Variants in WDR43 observed in about 807,000 individuals in gnomAD.
WDR43 encodes WD repeat-containing protein 43.
In WDR43, 13 loss-of-function variants were observed where a neutral mutation model predicts 91.4. That is an observed-to-expected ratio of 0.14 (90% CI 0.09 to 0.23). The LOEUF (loss-of-function observed/expected upper bound fraction) is 0.23. WDR43 is among the 10% of genes least tolerant of loss of function. The pLI, the probability that WDR43 is intolerant of heterozygous loss-of-function variation, is 1.00. For missense variants in WDR43, 780 were observed against 809.4 expected, an observed-to-expected ratio of 0.96 and a Z score of 0.44; for synonymous variants, 331 against 287.9, an observed-to-expected ratio of 1.15 and a Z score of -1.51.
intron 16 of WDR43, 128 bp from the exon 17 acceptor site, chr2:28,946,322 A>T: frequency 2.2e-6 from 2 of 926,038 alleles, no homozygotes; most frequent in Non-Finnish European, 3.0e-6. Context: ...GTTATTTCTT[A>T]GTTGGATGAT....
intron 10 of WDR43, among the ~76,000 whole-genome samples, chr2:28,928,386 CAT>C (rs1671182517): frequency 6.6e-6 from 1 of 152,064 alleles, no homozygotes; most frequent in Non-Finnish European, 1.5e-5. Flanking sequence ...GTGGGGATAA[CAT>C]AGCTTCATAA....
intron 5 of WDR43, among the ~76,000 whole-genome samples, chr2:28,914,549 C>T (rs1670871030): frequency 6.6e-6 from 1 of 152,166 alleles, no homozygotes; most frequent in Non-Finnish European, 1.5e-5. Context: ...TTATGGAGGG[C>T]ATAAAATTGC....
Position 28,908,779 on chromosome 2 carries a change from T to C in WDR43, c.485+2198T>C, listed in dbSNP as rs1173708469. Among the ~76,000 whole-genome samples, 5 of 152,250 alleles carry C rather than the reference T, an allele frequency of 3.3e-5. No homozygotes were observed. In the East Asian group the frequency reaches 9.6e-4, roughly 29 times the overall value. The stretch of plus-strand genomic sequence containing the variant: ...TTCCAGACGCTATGTATTGATTTTC[T>C]GTTGTGGAAGATGAGGATTTAGCTC... On this transcript the variant is annotated intron_variant, in intron 3 of 17. Transcript: ENST00000407426.
At chr2:28,907,348 T>TG (rs1040026706) in intron 3 of WDR43, among the ~76,000 whole-genome samples, 2 of 150,596 alleles carry the variant, frequency 1.3e-5, no homozygotes, top group African/African-American at 4.9e-5. Context: ...ATTGGCCAAG[T>TG]GCAGTGGCTC....
intron 5 of WDR43, 135 bp downstream of exon 5, chr2:28,914,343 T>C: frequency 9.5e-6 from 11 of 1,156,848 alleles, no homozygotes; most frequent in Non-Finnish European, 1.3e-5. Flanking sequence ...TAATAAAAAA[T>C]TGAGCCTGCC....
intron 6 of WDR43, among the ~76,000 whole-genome samples, chr2:28,921,375 C>G (rs903504443): frequency 1.3e-5 from 2 of 152,114 alleles, no homozygotes; most frequent in Non-Finnish European, 2.9e-5. Context: ...ATCGGCCTGC[C>G]TCGGCCTCCC....
chr2:28,901,055 A>G (rs1670570413), intron 1 of WDR43, among the ~76,000 whole-genome samples: 1 of 152,218 alleles, frequency 6.6e-6, no homozygotes, highest in Non-Finnish European at 1.5e-5. Context: ...GTGCATGCCC[A>G]TGCGTGCTGT....
chr2:28,926,436 C>A, intron 8 of WDR43, 32 bp from the exon 9 acceptor site: 1 of 1,446,958 alleles, frequency 6.9e-7, no homozygotes, highest in Non-Finnish European at 9.3e-7. Context: ...TCTTTCCTCT[C>A]ATCTTCCCCT....
At chr2:28,912,235 T>C (rs1005956890) in intron 3 of WDR43, among the ~76,000 whole-genome samples, 3 of 152,172 alleles carry the variant, frequency 2.0e-5, no homozygotes, top group African/African-American at 7.2e-5. Flanking sequence ...GTCTAGCCAG[T>C]ATGGAACTTT....
In WDR43 at chr2:28,900,912, C is replaced by CT. The variant is rs964422140; in HGVS notation, c.226-1074dup. Among the ~76,000 whole-genome samples the CT allele has an allele frequency of 3.3e-5, 5 of 152,166 alleles. No homozygotes were observed. The East Asian group carries it at 9.6e-4, about 29-fold the overall frequency. ...CAAATTCTTTAAATGTAAAATCCCC[C>CT]TAGGATAACTAAAAGAAAAAAATGG... On this transcript the variant is annotated intron_variant, in intron 1 of 17. Coordinates refer to ENST00000407426, the MANE Select transcript of WDR43 (RefSeq NM_015131.3).
In WDR43 at chr2:28,946,974, A is replaced by G. The variant is rs1176220995; in HGVS notation, c.*195A>G. 6.9e-6 allele frequency: 4 copies of G among 576,756 alleles called. No homozygotes were observed. The highest frequency in any genetic ancestry group is 1.9e-5 in the African/African-American group (1 of 53,468). 35.7% of individuals were successfully genotyped at this position (576,756 alleles called of 1,614,324 possible). A position where few individuals can be genotyped will look rare whatever the true frequency, so the allele number is the denominator to read the frequency against. ...AAGAGTGTTTCATTCAAATGTTAAT[A>G]AACTTTACACAGTATATAGACACAT... is the stretch of plus-strand genomic sequence containing the variant. On this transcript the variant is annotated 3_prime_UTR_variant, in exon 18 of 18. Coordinates refer to ENST00000407426, the MANE Select transcript of WDR43 (RefSeq NM_015131.3).
chr2:28,944,799 G>A (rs1178947451), intron 16 of WDR43, among the ~76,000 whole-genome samples: 2 of 152,260 alleles, frequency 1.3e-5, no homozygotes, highest in Non-Finnish European at 1.5e-5. Context: ...GCTACTAAAC[G>A]ACTAACGGGT....
chr2:28,930,595 C>T lies in WDR43; in HGVS notation c.1437+885C>T, dbSNP rs535787593. On this transcript the variant is annotated intron_variant, in intron 11 of 17. Transcript: ENST00000407426. Reference sequence around the variant, plus strand: ...GGAGGTAGATTTTAGTTTACCATGGCATAGAAACCTGGGTGAAGATTTGGT... The same window carrying T: ...GGAGGTAGATTTTAGTTTACCATGGTATAGAAACCTGGGTGAAGATTTGGT... 2.6e-5 allele frequency among the ~76,000 whole-genome samples: 4 copies of T among 152,206 alleles called. No individual in the cohort carries two copies. In the East Asian group the frequency reaches 7.7e-4, roughly 29 times the overall value.
chr2:28,925,425 C>G (rs1246401603), intron 8 of WDR43, among the ~76,000 whole-genome samples: 1 of 152,190 alleles, frequency 6.6e-6, no homozygotes, highest in Non-Finnish European at 1.5e-5. Flanking sequence ...TTTTGCACTT[C>G]TAGCACATCT....
rs541047070 is a variant in WDR43, at chr2:28,927,647, G to A, written c.1252G>A (p.Ala418Thr). 3.8e-5 allele frequency: 61 copies of A among 1,613,874 alleles called. No homozygotes were observed. The South Asian group carries it at 4.6e-4, about 12-fold the overall frequency. The change falls in exon 10 of 18, where the codon GCT becomes ACT. Residue 418 changes from alanine to threonine, a missense_variant. Transcript: ENST00000407426. ...IPGHHAAIKP[A>T]PPQTEQVESK... ...TGGTCATCATGCAGCTATCAAGCCC[G>A]CTCCTCCACAAACCGAGCAAGTAGA...
intron 11 of WDR43, among the ~76,000 whole-genome samples, chr2:28,933,405 C>T (rs1210453928): frequency 6.6e-6 from 1 of 152,160 alleles, no homozygotes; most frequent in Non-Finnish European, 1.5e-5. Context: ...ATAGACTTGA[C>T]TGTAAAACCT....
chr2:28,907,920 T>C (rs1227600781), intron 3 of WDR43, among the ~76,000 whole-genome samples: 1 of 147,604 alleles, frequency 6.8e-6, no homozygotes, highest in African/African-American at 2.5e-5. Context: ...AAAAAGCCAC[T>C]GCAGGTCAGT....
chr2:28,920,763 G>A (rs1200436457), intron 6 of WDR43, among the ~76,000 whole-genome samples: 1 of 151,982 alleles, frequency 6.6e-6, no homozygotes, highest in East Asian at 1.9e-4. Context: ...TGCAAACTCT[G>A]CCTCCCAGGT....
intron 12 of WDR43, among the ~76,000 whole-genome samples, chr2:28,936,140 A>G (rs1227598037): frequency 2.6e-5 from 4 of 152,140 alleles, no homozygotes; most frequent in Admixed American, 6.5e-5. Flanking sequence ...CTATGATTGC[A>G]CATTTAAATA....
Sources: allele counts gnomAD v4.1 joint callset (sites outside exome capture counted in the v4.1 genomes callset), GRCh38; gene constraint gnomAD v4.1.1; transcripts MANE v1.5; gene names NCBI Gene and HGNC (gene_info 2026-07-23, HGNC 2026-07-21).